Variants in AP3S2 observed in about 807,000 individuals in gnomAD.
The protein encoded by AP3S2 is AP-3 complex subunit sigma-2.
In AP3S2, 22 loss-of-function variants were observed where a neutral mutation model predicts 23.4. The observed-to-expected ratio is 0.94, with a 90% CI of 0.67 to 1.34. The LOEUF is 1.34. Among genes scored for constraint, AP3S2 ranks in the 40% most tolerant of loss-of-function variants. The pLI is 0.00. For missense variants in AP3S2, 241 were observed against 236.9 expected (o/e 1.02, Z -0.11); for synonymous variants, 86 against 87.1 (o/e 0.99, Z 0.07).
chr15:89,835,326 G>A lies in AP3S2; in HGVS notation c.*189C>T. ...GGCATGACTGCACATGTGAGAACTG[G>A]GTGCACCCGAGCAGTGTCAATAGGA... On this transcript the variant is annotated 3_prime_UTR_variant, in exon 6 of 6. Transcript: ENST00000336418. The A allele has an allele frequency of 1.0e-6, 1 of 952,762 alleles. No individual in the cohort carries two copies. The highest frequency in any genetic ancestry group is 1.5e-6 in the Non-Finnish European group (1 of 656,674). The allele number at this position is 952,762 out of a possible 1,614,324, so 59.0% of individuals were successfully genotyped here.
intron 3 of AP3S2, among the ~76,000 whole-genome samples, chr15:89,883,138 G>A (rs1896611375): frequency 6.6e-6 from 1 of 152,074 alleles, no homozygotes; most frequent in Non-Finnish European, 1.5e-5. Context: ...CTGTAAATGA[G>A]ACTTCTTTAA....
chr15:89,878,130 G>A (rs759769658), intron 3 of AP3S2: 60 of 500,682 alleles, frequency 1.2e-4, no homozygotes, highest in Non-Finnish European at 4.2e-5. Flanking sequence ...TAAATGTTAT[G>A]CAGATGTTCG....
intron 1 of AP3S2, among the ~76,000 whole-genome samples, chr15:89,892,395 G>T (rs1896840122): frequency 6.6e-6 from 1 of 152,164 alleles, no homozygotes; most frequent in Admixed American, 6.5e-5. Context: ...ACTGGGGCCG[G>T]ACACAGTGGC....
In AP3S2 at chr15:89,831,645, T is replaced by G. The variant is rs575311201; in HGVS notation, c.*3870A>C. On this transcript the variant is annotated 3_prime_UTR_variant, in exon 6 of 6. Transcript: ENST00000336418. ...AGCCTTGCTCCCCTGGTGTCTTTTC[T>G]GGCGAAGCTGGGCCCAGAGAGCGTT... The G allele has an allele frequency of 3.3e-5, 5 of 152,462 alleles. No individual in the cohort carries two copies. In the East Asian group the frequency reaches 7.7e-4, roughly 24 times the overall value. 9.4% of individuals were successfully genotyped at this position (152,462 alleles called of 1,614,324 possible). A position where few individuals can be genotyped will look rare whatever the true frequency, so the allele number is the denominator to read the frequency against.
At chr15:89,868,693 G>C (rs1307990503) in intron 4 of AP3S2, among the ~76,000 whole-genome samples, 1 of 116,134 alleles carries the variant, frequency 8.6e-6, no homozygotes, top group African/African-American at 3.4e-5. Flanking sequence ...GGAGGGAGGT[G>C]GGGGGGTCAG....
At chr15:89,872,833 A>G (rs1896352395) in intron 3 of AP3S2, among the ~76,000 whole-genome samples, 1 of 152,194 alleles carries the variant, frequency 6.6e-6, no homozygotes, top group African/African-American at 2.4e-5. Flanking sequence ...GCCGACTCTG[A>G]TACCAAGATG....
intron 4 of AP3S2, among the ~76,000 whole-genome samples, chr15:89,857,251 G>C (rs555365800): frequency 6.6e-6 from 1 of 152,116 alleles, no homozygotes; most frequent in Non-Finnish European, 1.5e-5. Flanking sequence ...CAAAGTGCTG[G>C]GATTACAGGT....
intron 3 of AP3S2, 101 bp downstream of exon 3, chr15:89,888,420 G>A: frequency 2.7e-6 from 3 of 1,120,544 alleles, no homozygotes; most frequent in Non-Finnish European, 3.9e-6. Context: ...ACTTTTACTA[G>A]TATCAATAAG....
chr15:89,888,722 T>C, intron 2 of AP3S2, 90 bp from the exon 3 acceptor site: 1 of 1,373,826 alleles, frequency 7.3e-7, no homozygotes, highest in East Asian at 2.4e-5. Flanking sequence ...AAGGACCCAC[T>C]GGAAAGGAGA....
At chr15:89,868,234 C>T (rs1392046036) in intron 4 of AP3S2, among the ~76,000 whole-genome samples, 5 of 54,748 alleles carry the variant, frequency 9.1e-5, no homozygotes, top group Non-Finnish European at 1.3e-4. Context: ...GCCCTCCGCC[C>T]GGCCAGCCGC....
At chr15:89,892,796 T>G (rs1049885924) in intron 1 of AP3S2, among the ~76,000 whole-genome samples, 4 of 152,220 alleles carry the variant, frequency 2.6e-5, no homozygotes, top group African/African-American at 4.8e-5. Context: ...CCTGAGTAGC[T>G]GGGACTTGGA....
intron 1 of AP3S2, 113 bp from the exon 2 acceptor site, chr15:89,889,253 G>T: frequency 9.1e-7 from 1 of 1,094,832 alleles, no homozygotes; most frequent in Non-Finnish European, 1.3e-6. Flanking sequence ...TAAACATTTA[G>T]TACTTGTTTC....
chr15:89,848,921 G>C (rs11635652), intron 4 of AP3S2: 56,649 of 152,044 alleles, frequency 0.37, 12,325 homozygotes, highest in Non-Finnish European at 0.49. Flanking sequence ...TTTATGAGTA[G>C]TATTGAGGAC....
intron 3 of AP3S2, among the ~76,000 whole-genome samples, chr15:89,874,220 T>C (rs189915281): frequency 2.0e-5 from 3 of 152,236 alleles, no homozygotes; most frequent in East Asian, 3.9e-4. Flanking sequence ...CCTTCTTCTA[T>C]GTTAGAGGTT....
At chr15:89,867,335 G>C (rs1224416195) in intron 4 of AP3S2, among the ~76,000 whole-genome samples, 10 of 151,486 alleles carry the variant, frequency 6.6e-5, no homozygotes, top group African/African-American at 2.4e-4. Flanking sequence ...CCAGGCTGGA[G>C]TGCAGTGGCG....
intron 4 of AP3S2, among the ~76,000 whole-genome samples, chr15:89,858,479 GAAAGAAAGAAAGAA>G (rs1376765576): frequency 0.011 from 350 of 31,776 alleles, 3 homozygotes; most frequent in African/African-American, 0.032. Flanking sequence ...AAGAAAGAAA[GAAAGAAAGAAAGAA>G]AGAGAGAGAG....
chr15:89,835,826 G>A (rs769659993), intron 5 of AP3S2, among the ~76,000 whole-genome samples, 183 bp from the exon 6 acceptor site: 22 of 151,926 alleles, frequency 1.4e-4, no homozygotes, highest in African/African-American at 5.3e-4. Flanking sequence ...TCAGGAGTTC[G>A]AGATAGGCCT....
intron 4 of AP3S2, among the ~76,000 whole-genome samples, chr15:89,871,078 T>C (rs532582354): frequency 1.8e-4 from 28 of 152,318 alleles, no homozygotes; most frequent in African/African-American, 5.3e-4. Flanking sequence ...TTTTACTATC[T>C]AAGTCAAAGC....
rs1278603152 is a variant in AP3S2, at chr15:89,837,633, G to C, written c.435C>G (p.Asn145Lys). Residue 145 changes from asparagine (N) to lysine (K), a missense_variant, in exon 5 of 6, where the codon AAC (asparagine) becomes AAG (lysine). Coordinates refer to ENST00000336418, the MANE Select transcript of AP3S2 (RefSeq NM_005829.5). The stretch of plus-strand genomic sequence containing the variant: ...TACTCACCTCGGATTTCTCCAGCCT[G>C]TTTTGAGCCTCAATCTGAGCCACGA... ...NEIVAQIEAQ[N>K]RLEKSEGGLS... is the part of the protein sequence containing the mutation. 1.2e-6 allele frequency: 2 copies of C among 1,614,166 alleles called. No homozygotes were observed. Among genetic ancestry groups the C allele is most frequent in the Middle Eastern group, 3.3e-4 (2 of 6,060 alleles).
Sources: allele counts gnomAD v4.1 joint callset (sites outside exome capture counted in the v4.1 genomes callset), GRCh38; gene constraint gnomAD v4.1.1; transcripts MANE v1.5; gene names NCBI Gene and HGNC (gene_info 2026-07-23, HGNC 2026-07-21).